DGKH: variants seen among roughly 807,000 people sequenced by gnomAD.
DGKH encodes the protein diacylglycerol kinase eta.
In DGKH, 90 loss-of-function variants were observed where a neutral mutation model predicts 159.3. The ratio of observed to expected loss-of-function variants is 0.57; its 90% CI spans 0.48 to 0.67. DGKH has a LOEUF of 0.67. Among genes scored for constraint, DGKH ranks in the 30% least tolerant of loss-of-function variants. The pLI, the probability that DGKH is intolerant of heterozygous loss-of-function variation, is 0.00. For synonymous variants in DGKH, 536 were observed against 553.8 expected (o/e 0.97, Z 0.45); for missense variants, 1,181 against 1,506.1 (o/e 0.78, Z 3.57).
rs965722376 is a variant in DGKH, at chr13:42,200,607, C to G, written c.2493+698C>G. 2.0e-4 allele frequency among the ~76,000 whole-genome samples: 31 copies of G among 152,276 alleles called. 1 individual carries two copies. Among genetic ancestry groups the G allele is most frequent in the African/African-American group, 7.0e-4 (29 of 41,552 alleles). On this transcript the variant is annotated intron_variant, in intron 20 of 29. Coordinates refer to ENST00000337343, the MANE Select transcript of DGKH (RefSeq NM_178009.5). ...CTATATATTTTTAATTAAAGCATATCATACATATAGAAAATTATGAAATCT... is the reference window on the plus strand; with the variant it reads ...CTATATATTTTTAATTAAAGCATATGATACATATAGAAAATTATGAAATCT...
At chr13:42,069,486 T>G in intron 1 of DGKH, 2 of 1,566,908 alleles carry the variant, frequency 1.3e-6, no homozygotes, top group Non-Finnish European at 8.8e-7. Flanking sequence ...GGAAACTAAA[T>G]TGAATAGTTC....
chr13:42,247,633 T>C (rs919897956), downstream of DGKH, among the ~76,000 whole-genome samples: 6 of 152,212 alleles, frequency 3.9e-5, no homozygotes, highest in Admixed American at 2.6e-4. Context: ...GGCATTGTTA[T>C]CATAGGAGAT....
intron 1 of DGKH, chr13:42,070,250 G>A: frequency 8.6e-7 from 1 of 1,159,856 alleles, no homozygotes. Context: ...CCTGGAAGTA[G>A]CTGAGTTAAA....
chr13:42,244,811 G>A (rs1463717831), downstream of DGKH, among the ~76,000 whole-genome samples: 1 of 144,318 alleles, frequency 6.9e-6, no homozygotes, highest in Non-Finnish European at 1.5e-5. Context: ...GGCTGAGGCA[G>A]GAGAATGGCG....
At chr13:42,069,244 C>A in intron 1 of DGKH, 1 of 1,117,500 alleles carries the variant, frequency 8.9e-7, no homozygotes, top group South Asian at 1.5e-5. Flanking sequence ...TTAACTTGTT[C>A]ATCCTTTCTT....
Position 42,189,203 on chromosome 13 carries a change from C to G in DGKH, c.1806C>G (p.Asp602Glu). ...LGESKEQLGD[D>E]VTKPSSQKAV... The stretch of plus-strand genomic sequence containing the variant: ...AAAGCAAAGAGCAGCTTGGGGATGA[C>G]GTTACAAAACCTTCCTCCCAGAAAG... The change falls in exon 15 of 30, where the codon GAC becomes GAG. Residue 602 changes from aspartate to glutamate, a missense_variant. Asp to Glu is a conservative substitution (Grantham distance 45). This residue lies in a region of DGKH where 257 missense variants were observed against 281.5 expected (regional missense o/e 0.91). Coordinates refer to ENST00000337343, the MANE Select transcript of DGKH (RefSeq NM_178009.5). 1 of 1,614,172 alleles carries G rather than the reference C, an allele frequency of 6.2e-7. No individual in the cohort carries two copies. Among genetic ancestry groups the G allele is most frequent in the South Asian group, 1.1e-5 (1 of 91,088 alleles).
chr13:42,216,205 A>C (rs1256408915), intron 26 of DGKH, among the ~76,000 whole-genome samples: 1 of 152,208 alleles, frequency 6.6e-6, no homozygotes, highest in Non-Finnish European at 1.5e-5. Flanking sequence ...TCAAGCATAA[A>C]TGCTGGAAGC....
intron 1 of DGKH, among the ~76,000 whole-genome samples, chr13:42,080,097 A>T (rs781261305): frequency 1.3e-5 from 2 of 152,198 alleles, no homozygotes; most frequent in Non-Finnish European, 2.9e-5. Context: ...TTGAAGTTCA[A>T]TAATTTAATG....
intron 1 of DGKH, among the ~76,000 whole-genome samples, chr13:42,075,132 C>T (rs1418978055): frequency 1.3e-5 from 2 of 152,200 alleles, no homozygotes; most frequent in African/African-American, 4.8e-5. Context: ...AACGAGATAA[C>T]TGCAAGTGAG....
intron 14 of DGKH, among the ~76,000 whole-genome samples, chr13:42,187,860 T>G (rs984523977): frequency 2.6e-5 from 4 of 152,216 alleles, no homozygotes; most frequent in Non-Finnish European, 4.4e-5. Flanking sequence ...GTGCTGCTTC[T>G]TGCATTGCTT....
At position 42,221,323 on chromosome 13, in the gene DGKH, T is replaced by C. The variant is rs1324994245; in HGVS notation, c.3502T>C (p.Tyr1168His). The C allele has an allele frequency of 1.2e-6, 2 of 1,613,488 alleles. No individual in the cohort carries two copies. Among genetic ancestry groups the C allele is most frequent in the African/African-American group, 1.3e-5 (1 of 74,848 alleles). ...GCTGGATCTGCTCAATTTGGGAGAG[T>C]ACAAAGATATCTTCATCCGTCATGA... ...AWLDLLNLGE[Y>H]KDIFIRHDIR... Residue 1168 changes from tyrosine (Y) to histidine (H), a missense_variant, in exon 29 of 30, where the codon TAC (tyrosine) becomes CAC (histidine). Transcript: ENST00000337343.
chr13:42,159,263 T>TTTTTTTTTTTTTGTTTA lies in DGKH; in HGVS notation c.623-3_623-2insTTTTTTTTTTTTGTTTA. 1.6e-6 allele frequency: 2 copies of TTTTTTTTTTTTTGTTTA among 1,249,716 alleles called. No individual in the cohort carries two copies. The highest frequency in any genetic ancestry group is 2.2e-6 in the Non-Finnish European group (2 of 894,570). The allele number at this position is 1,249,716 out of a possible 1,614,324, so 77.4% of individuals were successfully genotyped here. A position where few individuals can be genotyped will look rare whatever the true frequency, so the allele number is the denominator to read the frequency against. On this transcript the variant is annotated splice_polypyrimidine_tract_variant and splice_region_variant and intron_variant, in intron 5 of 29. Coordinates refer to ENST00000337343, the MANE Select transcript of DGKH (RefSeq NM_178009.5). Reference sequence around the variant, plus strand: ...GTTGCTCTTTTTTTTTTTTTTTTTTTAGTGTGTAAATTCAAGGCTCACAAA... The same window carrying TTTTTTTTTTTTTGTTTA: ...GTTGCTCTTTTTTTTTTTTTTTTTTTTTTTTTTTTTTTGTTTAAGTGTGTAAATTCAAGGCTCACAAA...
downstream of DGKH, among the ~76,000 whole-genome samples, chr13:42,246,546 C>A (rs1958581636): frequency 6.6e-6 from 1 of 152,148 alleles, no homozygotes; most frequent in Non-Finnish European, 1.5e-5. Context: ...TTATTATTAG[C>A]CCCATTTGAA....
chr13:42,248,887 C>T (rs1436333469), intron 29 of DGKH, among the ~76,000 whole-genome samples: 1 of 151,852 alleles, frequency 6.6e-6, no homozygotes, highest in Non-Finnish European at 1.5e-5. Flanking sequence ...ATGTGATGTT[C>T]ACACAATGAA....
chr13:42,222,808 A>G (rs969821700), intron 29 of DGKH, among the ~76,000 whole-genome samples: 5 of 152,218 alleles, frequency 3.3e-5, no homozygotes, highest in Non-Finnish European at 7.3e-5. Context: ...ACATACATAA[A>G]TGCATATATG....
In DGKH at chr13:42,199,873, A is replaced by G; in HGVS notation, c.2457A>G (p.Arg819=). ...GVLGTRELLQ[R]SYKNLEQRVQ... The stretch of plus-strand genomic sequence containing the variant: ...TTGGAACCCGGGAGTTATTACAGAG[A>G]TCGTACAAGAATTTAGAACAAAGGG... The change falls in exon 20 of 30, where the codon AGA becomes AGG. Residue 819 remains arginine, a synonymous_variant. Coordinates refer to ENST00000337343, the MANE Select transcript of DGKH (RefSeq NM_178009.5). 1 of 1,612,658 alleles carries G rather than the reference A, an allele frequency of 6.2e-7. No individual in the cohort carries two copies. The highest frequency in any genetic ancestry group is 1.1e-5 in the South Asian group (1 of 90,746).
In DGKH at chr13:42,087,044, A is replaced by AACACACACACACACACAC. The variant is rs71298957; in HGVS notation, c.192+38102_192+38119dup. 2.1e-3 allele frequency among the ~76,000 whole-genome samples: 291 copies of AACACACACACACACACAC among 140,148 alleles called. 1 individual carries two copies. Among genetic ancestry groups the AACACACACACACACACAC allele is most frequent in the Admixed American group, 3.0e-3 (42 of 14,136 alleles). 91.9% of individuals were successfully genotyped at this position (140,148 alleles called of 152,430 possible). ...TCGAGGAAAGAAATGCCAGAAGGAA[A>AACACACACACACACACAC]ACACACACACACACACACACACACA... On this transcript the variant is annotated intron_variant, in intron 1 of 29. Coordinates refer to ENST00000337343, the MANE Select transcript of DGKH (RefSeq NM_178009.5).
intron 23 of DGKH, 109 bp downstream of exon 23, chr13:42,209,574 A>G: frequency 1.6e-6 from 2 of 1,232,770 alleles, no homozygotes; most frequent in Non-Finnish European, 2.2e-6. Flanking sequence ...TAAATCTGAC[A>G]TTTAGGTCAT....
At chr13:42,069,778 T>G in intron 1 of DGKH, 3 of 1,093,388 alleles carry the variant, frequency 2.7e-6, no homozygotes, top group Non-Finnish European at 4.0e-6. Flanking sequence ...ATGGCTACAC[T>G]CCAGATCACA....
Sources: allele counts gnomAD v4.1 joint callset (sites outside exome capture counted in the v4.1 genomes callset), GRCh38; gene constraint gnomAD v4.1.1; regional missense constraint gnomAD v4.1.1; transcripts MANE v1.5; gene names NCBI Gene and HGNC (gene_info 2026-07-23, HGNC 2026-07-21).